The following CDC73 variants were observed in gnomAD, a reference collection of about 807,000 sequenced individuals.
The protein encoded by CDC73 is cell division cycle 73.
In CDC73, 21 loss-of-function variants were observed where a neutral mutation model predicts 83.7. That is an observed-to-expected ratio of 0.25 (90% CI 0.18 to 0.36). CDC73 has a LOEUF of 0.36. Ranked by LOEUF, CDC73 falls within the 10% of genes least tolerant of loss-of-function variation. The pLI, the probability that CDC73 is intolerant of heterozygous loss-of-function variation, is 1.00. For missense variants in CDC73, 342 were observed against 653.3 expected, an observed-to-expected ratio of 0.52 and a Z score of 5.19; for synonymous variants, 224 against 212.9, an observed-to-expected ratio of 1.05 and a Z score of -0.45.
chr1:193,144,973 C>A (rs966396951), intron 7 of CDC73, among the ~76,000 whole-genome samples: 2 of 152,096 alleles, frequency 1.3e-5, no homozygotes. Flanking sequence ...TTTTCTAATT[C>A]TTTTTCCACC....
intron 9 of CDC73, 65 bp from the exon 10 acceptor site, chr1:193,152,315 T>G: frequency 3.0e-6 from 3 of 996,060 alleles, no homozygotes; most frequent in Admixed American, 3.5e-5. Flanking sequence ...TTACTTTAGA[T>G]TTGTTATAGG....
chr1:193,142,072 T>C lies in CDC73; in HGVS notation c.729+6T>C. ...TCTTACAAAGCACAGGAAAGGTAAT[T>C]AAAATATTTTACTCATTCATTGGAG... On this transcript the variant is annotated splice_donor_region_variant and intron_variant, in intron 7 of 16. Transcript: ENST00000367435. 6.3e-7 allele frequency: 1 copy of C among 1,599,462 alleles called. No homozygotes were observed. The highest frequency in any genetic ancestry group is 8.6e-7 in the Non-Finnish European group (1 of 1,166,910).
At chr1:193,222,484 ATT>A (rs1677489443) in intron 13 of CDC73, among the ~76,000 whole-genome samples, 1 of 152,042 alleles carries the variant, frequency 6.6e-6, no homozygotes, top group Non-Finnish European at 1.5e-5. Flanking sequence ...ATGGGAGTTT[ATT>A]TTTTTCCCAT....
chr1:193,130,556 A>G (rs1371942019), intron 3 of CDC73, among the ~76,000 whole-genome samples: 1 of 152,234 alleles, frequency 6.6e-6, no homozygotes, highest in Non-Finnish European at 1.5e-5. Context: ...GAATACCTAC[A>G]GTAAGATTTC....
chr1:193,210,750 G>T (rs1677264465), intron 11 of CDC73, among the ~76,000 whole-genome samples: 1 of 152,040 alleles, frequency 6.6e-6, no homozygotes, highest in African/African-American at 2.4e-5. Flanking sequence ...AGGAAGATTT[G>T]TGTATGTATA....
At chr1:193,137,363 A>T (rs1401295214) in intron 5 of CDC73, among the ~76,000 whole-genome samples, 2 of 151,826 alleles carry the variant, frequency 1.3e-5, no homozygotes, top group Admixed American at 6.5e-5. Context: ...CTTTTTATAC[A>T]GTTTTGTATT....
intron 2 of CDC73, 148 bp from the exon 3 acceptor site, chr1:193,130,026 T>C: frequency 3.2e-6 from 2 of 620,844 alleles, no homozygotes; most frequent in Non-Finnish European, 2.9e-6. Flanking sequence ...TATTAGGTTC[T>C]TTTAGCCTAG....
At chr1:193,166,311 A>G (rs1391195878) in intron 10 of CDC73, among the ~76,000 whole-genome samples, 4 of 152,092 alleles carry the variant, frequency 2.6e-5, no homozygotes, top group Non-Finnish European at 5.9e-5. Flanking sequence ...ATGCACTGCA[A>G]TGCCCAGCTA....
rs1553288362 is a variant in CDC73, at chr1:193,212,081, TC to T, written c.1052del (p.Pro351GlnfsTer13). 1 of 1,584,722 alleles carries T rather than the reference TC, an allele frequency of 6.3e-7. No individual in the cohort carries two copies. Among genetic ancestry groups the T allele is most frequent in the Non-Finnish European group, 8.6e-7 (1 of 1,160,650 alleles). ...TTTTCACAGTTTCTCAAGCAAGACCTCCCCCAAATCAGAAGAAAGGTGAGGT... is the reference window on the plus strand; with the variant it reads ...TTTTCACAGTTTCTCAAGCAAGACCTCCCCAAATCAGAAGAAAGGTGAGGT... ...VPRPVSQARPPPNQKKGSRTP... is the reference protein window; with the variant it reads ...VPRPVSQARPXPNQKKGSRTP... On this transcript the variant is annotated frameshift_variant, in exon 12 of 17. Transcript: ENST00000367435. LOFTEE classifies it high-confidence loss of function.
At chr1:193,170,346 C>T (rs1486490219) in intron 10 of CDC73, among the ~76,000 whole-genome samples, 1 of 152,158 alleles carries the variant, frequency 6.6e-6, no homozygotes, top group African/African-American at 2.4e-5. Context: ...GTATTTCTCT[C>T]TTTAGGTCTT....
At chr1:193,198,430 C>T (rs370337062) in intron 10 of CDC73, among the ~76,000 whole-genome samples, 1 of 152,168 alleles carries the variant, frequency 6.6e-6, no homozygotes, top group Non-Finnish European at 1.5e-5. Context: ...TTCCACCTTC[C>T]ACCATGTGAA....
At chr1:193,206,840 G>A (rs1346201737) in intron 11 of CDC73, among the ~76,000 whole-genome samples, 3 of 152,158 alleles carry the variant, frequency 2.0e-5, no homozygotes, top group Admixed American at 1.3e-4. Context: ...TGCCAGGCAA[G>A]TCTCTGGGTA....
At position 193,144,112 on chromosome 1, in the gene CDC73, C is replaced by CAAAA. The variant is rs67477778; in HGVS notation, c.729+2063_729+2066dup. The stretch of plus-strand genomic sequence containing the variant: ...GTGACAGAGTGAGACTCTGTCTCAC[C>CAAAA]AAAAAAAAAAAAAAAAAAAATTTCA... On this transcript the variant is annotated intron_variant, in intron 7 of 16. Transcript: ENST00000367435. Among the ~76,000 whole-genome samples, 17 of 64,380 alleles carry CAAAA rather than the reference C, an allele frequency of 2.6e-4. 6 individuals carry two copies. The highest frequency in any genetic ancestry group is 3.4e-4 in the Non-Finnish European group (12 of 35,754). The allele number at this position is 64,380 out of a possible 152,430, so 42.2% of individuals were successfully genotyped here.
Position 193,251,654 on chromosome 1 carries a change from C to T in CDC73, c.*942C>T, listed in dbSNP as rs1391093017. 8.6e-6 allele frequency: 2 copies of T among 231,966 alleles called. No individual in the cohort carries two copies. The highest frequency in any genetic ancestry group is 5.7e-5 in the Admixed American group (1 of 17,688). The allele number at this position is 231,966 out of a possible 1,614,324, so 14.4% of individuals were successfully genotyped here. ...ATAAACTCCCAGGCACCAAAGAAAA[C>T]ATTTGCTTAATTGTCTGAAAAGAAA... On this transcript the variant is annotated 3_prime_UTR_variant, in exon 17 of 17. Transcript: ENST00000367435.
At position 193,249,719 on chromosome 1, in the gene CDC73, C is replaced by G. The variant is rs1328380226; in HGVS notation, c.1418-11C>G. On this transcript the variant is annotated splice_polypyrimidine_tract_variant and intron_variant, in intron 15 of 16. Transcript: ENST00000367435. ...AGTAAAAATGATAACTTCTCTCCAC[C>G]CTCTCTATAGTTAAAGCCTTCCATC... 1 of 1,600,632 alleles carries G rather than the reference C, an allele frequency of 6.2e-7. No homozygotes were observed. The highest frequency in any genetic ancestry group is 1.7e-5 in the Admixed American group (1 of 59,760).
At chr1:193,122,363 G>C in intron 1 of CDC73, 32 bp downstream of exon 1, 1 of 1,613,622 alleles carries the variant, frequency 6.2e-7, no homozygotes, top group Non-Finnish European at 8.5e-7. Context: ...CCCAGGGGTG[G>C]CAGGGCAGAG....
At chr1:193,136,665 G>T in intron 5 of CDC73, 1 of 174,724 alleles carries the variant, frequency 5.7e-6, no homozygotes. Context: ...TGCTATACTG[G>T]GTATAAATTT....
chr1:193,138,082 C>T lies in CDC73; in HGVS notation c.424-3C>T, dbSNP rs2103123700. ...AAATGCATTAACCAGTGGTTATTTC[C>T]AGGATGAAGAGTGTGTGCGCCTTGA... On this transcript the variant is annotated splice_polypyrimidine_tract_variant and splice_region_variant and intron_variant, in intron 5 of 16. Transcript: ENST00000367435. The T allele has an allele frequency of 6.2e-7, 1 of 1,610,056 alleles. No homozygotes were observed. The highest frequency in any genetic ancestry group is 1.3e-5 in the African/African-American group (1 of 74,890).
chr1:193,244,358 G>A (rs1677914273), intron 15 of CDC73, among the ~76,000 whole-genome samples: 1 of 152,072 alleles, frequency 6.6e-6, no homozygotes, highest in Non-Finnish European at 1.5e-5. Flanking sequence ...TATCACATGT[G>A]GAATAAAAAT....
Sources: gnomAD v4.1 joint callset for allele counts (sites outside exome capture counted in the v4.1 genomes callset) on GRCh38, gnomAD v4.1.1 for gene constraint, MANE v1.5 for transcripts, NCBI Gene and HGNC (gene_info 2026-07-23, HGNC 2026-07-21) for gene names.